Variants in ADAMTS19 observed in about 807,000 individuals in gnomAD.
The protein encoded by ADAMTS19 is ADAM metallopeptidase with thrombospondin type 1 motif 19, also known as A disintegrin and metalloproteinase with thrombospondin motifs 19.
Under a neutral mutation model 153.3 loss-of-function variants are expected in ADAMTS19, and 93 were observed. The observed-to-expected ratio is 0.61, with a 90% CI of 0.51 to 0.72. The LOEUF (loss-of-function observed/expected upper bound fraction) is 0.72. ADAMTS19 is among the 30% of genes least tolerant of loss of function. ADAMTS19 has a pLI of 0.00. For missense variants in ADAMTS19, 1,482 were observed against 1,552.1 expected, an observed-to-expected ratio of 0.95 and a Z score of 0.76; for synonymous variants, 600 against 556.6, an observed-to-expected ratio of 1.08 and a Z score of -1.10.
chr5:129,649,716 T>C (rs1753230977), intron 13 of ADAMTS19, among the ~76,000 whole-genome samples: 4 of 152,136 alleles, frequency 2.6e-5, no homozygotes, highest in Admixed American at 2.6e-4. Context: ...CAGGTACAAA[T>C]GCCAGTTTCC....
intron 16 of ADAMTS19, 27 bp downstream of exon 16, chr5:129,665,606 G>A (rs1458780631): frequency 3.2e-6 from 5 of 1,567,196 alleles, no homozygotes; most frequent in Admixed American, 3.4e-5. Flanking sequence ...ACACAGAGAA[G>A]ATCCAAGTAC....
intron 16 of ADAMTS19, among the ~76,000 whole-genome samples, chr5:129,674,348 T>C (rs1012740588): frequency 7.9e-5 from 12 of 152,182 alleles, no homozygotes; most frequent in African/African-American, 2.9e-4. Context: ...TACTGTGAGA[T>C]TTTTCGTTTT....
At chr5:129,577,376 CAG>C (rs1275631140) in intron 7 of ADAMTS19, among the ~76,000 whole-genome samples, 1 of 151,824 alleles carries the variant, frequency 6.6e-6, no homozygotes, top group African/African-American at 2.4e-5. Context: ...TTGATGGAGA[CAG>C]AGAATATACA....
chr5:129,670,363 T>C (rs1754249456), intron 16 of ADAMTS19, among the ~76,000 whole-genome samples: 1 of 152,190 alleles, frequency 6.6e-6, no homozygotes, highest in South Asian at 2.1e-4. Flanking sequence ...AAAAGATGTT[T>C]CACACTTGGT....
At chr5:129,685,611 G>A (rs1210984051) in intron 18 of ADAMTS19, among the ~76,000 whole-genome samples, 2 of 152,178 alleles carry the variant, frequency 1.3e-5, no homozygotes, top group Non-Finnish European at 2.9e-5. Context: ...TCCAAAGACT[G>A]TGTGGATGGA....
At chr5:129,491,797 C>T (rs1750778987) in intron 2 of ADAMTS19, among the ~76,000 whole-genome samples, 1 of 152,036 alleles carries the variant, frequency 6.6e-6, no homozygotes, top group Non-Finnish European at 1.5e-5. Context: ...TTTTGTATTG[C>T]TGAGGTTCAA....
At chr5:129,632,682 TTTC>T (rs1024128950) in intron 10 of ADAMTS19, among the ~76,000 whole-genome samples, 2 of 152,042 alleles carry the variant, frequency 1.3e-5, no homozygotes, top group Non-Finnish European at 2.9e-5. Context: ...AGGTTGACTT[TTTC>T]TTTTTCTTTT....
At chr5:129,708,540 TTTAAAC>T (rs1399444482) in intron 21 of ADAMTS19, among the ~76,000 whole-genome samples, 2 of 147,470 alleles carry the variant, frequency 1.4e-5, no homozygotes, top group East Asian at 4.0e-4. Flanking sequence ...CCTTCCTTTA[TTTAAAC>T]TTCTGCAACT....
At chr5:129,706,951 T>C (rs1240024998) in intron 21 of ADAMTS19, among the ~76,000 whole-genome samples, 1 of 152,242 alleles carries the variant, frequency 6.6e-6, no homozygotes, top group Non-Finnish European at 1.5e-5. Context: ...TACTTTTAAT[T>C]GGTTTTGTGG....
At chr5:129,610,449 C>T (rs113328936) in intron 8 of ADAMTS19, among the ~76,000 whole-genome samples, 5 of 152,158 alleles carry the variant, frequency 3.3e-5, no homozygotes, top group African/African-American at 1.2e-4. Context: ...CTCTACCCAC[C>T]CCACAATAGT....
intron 8 of ADAMTS19, among the ~76,000 whole-genome samples, chr5:129,605,349 C>CCAGAT (rs1389226080): frequency 3.3e-5 from 5 of 152,164 alleles, no homozygotes; most frequent in African/African-American, 9.7e-5. Context: ...CAACTGTGCT[C>CCAGAT]CAGATTCATT....
chr5:129,606,307 C>T (rs1489145053), intron 8 of ADAMTS19, among the ~76,000 whole-genome samples: 2 of 152,170 alleles, frequency 1.3e-5, no homozygotes, highest in African/African-American at 4.8e-5. Flanking sequence ...CTTCTTCAGA[C>T]ATCTGTATTT....
chr5:129,535,231 T>G (rs1313542715), intron 6 of ADAMTS19, among the ~76,000 whole-genome samples: 1 of 152,124 alleles, frequency 6.6e-6, no homozygotes, highest in Non-Finnish European at 1.5e-5. Flanking sequence ...GGATACAAAA[T>G]CAATGTGCAA....
intron 10 of ADAMTS19, among the ~76,000 whole-genome samples, chr5:129,635,167 C>T (rs1247863575): frequency 2.6e-5 from 4 of 152,030 alleles, no homozygotes; most frequent in Admixed American, 6.6e-5. Context: ...ATATGAACAT[C>T]GCTGATCACT....
chr5:129,581,673 T>C (rs1376898874), intron 7 of ADAMTS19, among the ~76,000 whole-genome samples: 1 of 152,202 alleles, frequency 6.6e-6, no homozygotes, highest in Non-Finnish European at 1.5e-5. Flanking sequence ...CTTGCTTCTC[T>C]ACTTCTTTTA....
chr5:129,501,725 GA>G (rs145579706), intron 2 of ADAMTS19, among the ~76,000 whole-genome samples: 1,631 of 151,962 alleles, frequency 0.011, 24 homozygotes, highest in African/African-American at 0.037. Context: ...TAAAATGGAT[GA>G]AATTAGCGTG....
intron 16 of ADAMTS19, among the ~76,000 whole-genome samples, chr5:129,676,531 C>G (rs1224035611): frequency 6.6e-6 from 1 of 151,990 alleles, no homozygotes; most frequent in Non-Finnish European, 1.5e-5. Flanking sequence ...TAAATATTTT[C>G]AAGCAGAAAG....
At chr5:129,520,062 T>C (rs1015990905) in intron 3 of ADAMTS19, among the ~76,000 whole-genome samples, 19 of 152,136 alleles carry the variant, frequency 1.2e-4, no homozygotes, top group African/African-American at 4.6e-4. Flanking sequence ...AGAATCAGCA[T>C]TTTAAACATG....
At chr5:129,608,291 CAA>C (rs1460496013) in intron 8 of ADAMTS19, among the ~76,000 whole-genome samples, 1 of 151,244 alleles carries the variant, frequency 6.6e-6, no homozygotes, top group African/African-American at 2.4e-5. Flanking sequence ...CTGACAAAAA[CAA>C]AGTCAAACTC....
Sources: gnomAD v4.1 joint callset for allele counts (sites outside exome capture counted in the v4.1 genomes callset) on GRCh38, gnomAD v4.1.1 for gene constraint, MANE v1.5 for transcripts, NCBI Gene and HGNC (gene_info 2026-07-23, HGNC 2026-07-21) for gene names.